HHIP: variants seen among roughly 807,000 people sequenced by gnomAD.
HHIP encodes hedgehog-interacting protein.
In HHIP, 12 loss-of-function variants were observed where a neutral mutation model predicts 74.0. That is an observed-to-expected ratio of 0.16 (90% CI 0.10 to 0.26). The LOEUF is 0.26. Ranked by LOEUF, HHIP falls within the 10% of genes least tolerant of loss-of-function variation. The pLI, the probability that HHIP is intolerant of heterozygous loss-of-function variation, is 1.00. For synonymous variants in HHIP, 309 were observed against 311.6 expected (o/e 0.99, Z 0.09); for missense variants, 788 against 845.0 (o/e 0.93, Z 0.84).
rs1420713168 is a variant in HHIP at position 144,737,759 on chromosome 4, C to T, written c.1910-5C>T. 1 of 1,592,916 alleles carries T rather than the reference C, an allele frequency of 6.3e-7. No homozygotes were observed. The highest frequency in any genetic ancestry group is 8.6e-7 in the Non-Finnish European group (1 of 1,167,744). On this transcript the variant is annotated splice_region_variant and splice_polypyrimidine_tract_variant and intron_variant, in intron 12 of 12. Coordinates refer to ENST00000296575, the MANE Select transcript of HHIP (RefSeq NM_022475.3). ...TGTGATGTTCTTGCTCTTTTTCTCTCCCAGCAAAATGTGAGCCAGCATGTC... is the reference window on the plus strand; with the variant it reads ...TGTGATGTTCTTGCTCTTTTTCTCTTCCAGCAAAATGTGAGCCAGCATGTC...
intron 4 of HHIP, among the ~76,000 whole-genome samples, chr4:144,681,417 A>G (rs556741758): frequency 1.3e-4 from 18 of 141,280 alleles, no homozygotes; most frequent in South Asian, 6.9e-4. Flanking sequence ...CGGATTGCAG[A>G]GTTCTTTTTT....
chr4:144,685,295 A>G (rs1025873965), intron 4 of HHIP, among the ~76,000 whole-genome samples: 2 of 152,248 alleles, frequency 1.3e-5, no homozygotes, highest in African/African-American at 2.4e-5. Flanking sequence ...AGAGTTAAAG[A>G]TGAGTCTCTG....
intron 11 of HHIP, among the ~76,000 whole-genome samples, chr4:144,729,048 A>C (rs1203779145): frequency 1.1e-4 from 17 of 152,176 alleles, no homozygotes; most frequent in Non-Finnish European, 2.9e-5. Context: ...ACAATTACGA[A>C]GAAGAAAAAT....
chr4:144,690,360 GT>G (rs1227729362), intron 4 of HHIP, among the ~76,000 whole-genome samples: 1 of 152,186 alleles, frequency 6.6e-6, no homozygotes, highest in Non-Finnish European at 1.5e-5. Flanking sequence ...TGATATGATG[GT>G]AGTATGGTGT....
At chr4:144,687,912 T>C (rs111378135) in intron 4 of HHIP, among the ~76,000 whole-genome samples, 4 of 152,062 alleles carry the variant, frequency 2.6e-5, no homozygotes, top group Non-Finnish European at 5.9e-5. Flanking sequence ...ACAGAGTCTT[T>C]ACAAGTTCCA....
intron 2 of HHIP, among the ~76,000 whole-genome samples, chr4:144,657,432 A>G (rs189926268): frequency 2.0e-5 from 3 of 152,282 alleles, no homozygotes; most frequent in African/African-American, 7.2e-5. Flanking sequence ...TTGTTATATA[A>G]AAATAAAAAC....
intron 12 of HHIP, among the ~76,000 whole-genome samples, chr4:144,736,888 CCA>C (rs1034665445): frequency 6.6e-6 from 1 of 152,086 alleles, no homozygotes; most frequent in African/African-American, 2.4e-5. Context: ...CATGTGTCAA[CCA>C]CAGACACCTG....
intron 4 of HHIP, among the ~76,000 whole-genome samples, chr4:144,667,681 T>C (rs1245696338): frequency 6.6e-6 from 1 of 152,180 alleles, no homozygotes; most frequent in Admixed American, 6.5e-5. Flanking sequence ...AGCTGACCCA[T>C]AAGAACTACA....
intron 1 of HHIP, chr4:144,648,662 A>G (rs1021403072): frequency 6.6e-6 from 1 of 152,188 alleles, no homozygotes; most frequent in African/African-American, 2.4e-5. Context: ...CCTTGGTGCA[A>G]TACGTACTAT....
chr4:144,692,098 C>T (rs552062422), intron 4 of HHIP, among the ~76,000 whole-genome samples: 2 of 152,052 alleles, frequency 1.3e-5, no homozygotes, highest in East Asian at 3.9e-4. Context: ...TAAATATGTG[C>T]CATCTGGGTA....
chr4:144,734,942 G>A, intron 12 of HHIP, 53 bp downstream of exon 12: 1 of 1,516,392 alleles, frequency 6.6e-7, no homozygotes, highest in Non-Finnish European at 9.0e-7. Context: ...CAATCCTTAG[G>A]TACTCAAGAA....
rs954685861 is a variant in HHIP at position 144,743,163 on chromosome 4, T to A, written c.*5206T>A. 4 of 150,374 alleles carry A rather than the reference T, an allele frequency of 2.7e-5. No individual in the cohort carries two copies. Among genetic ancestry groups the A allele is most frequent in the African/African-American group, 9.7e-5 (4 of 41,050 alleles). 9.3% of individuals were successfully genotyped at this position (150,374 alleles called of 1,614,324 possible). Reference sequence around the variant, plus strand: ...GTTCTGGACTTCACCTTAAAATAAGTTTTTAGGAGAGTAATATATATTCAT... The same window carrying A: ...GTTCTGGACTTCACCTTAAAATAAGATTTTAGGAGAGTAATATATATTCAT... On this transcript the variant is annotated 3_prime_UTR_variant, in exon 13 of 13. Transcript: ENST00000296575.
At chr4:144,712,097 T>C in intron 8 of HHIP, 26 bp downstream of exon 8, 1 of 1,598,196 alleles carries the variant, frequency 6.3e-7, no homozygotes, top group East Asian at 2.2e-5. Context: ...TTTGCTGATT[T>C]TGCTTTAGTT....
chr4:144,703,725 G>A (rs1560712552), intron 4 of HHIP, among the ~76,000 whole-genome samples: 1 of 152,174 alleles, frequency 6.6e-6, no homozygotes, highest in Non-Finnish European at 1.5e-5. Context: ...CTGCTGGCCA[G>A]TCCCGGCTCC....
At chr4:144,661,046 T>C (rs1728699415) in intron 4 of HHIP, among the ~76,000 whole-genome samples, 1 of 152,184 alleles carries the variant, frequency 6.6e-6, no homozygotes, top group East Asian at 1.9e-4. Flanking sequence ...ATGTATGATG[T>C]AATATAGATG....
chr4:144,698,718 G>A (rs770613097), intron 4 of HHIP, among the ~76,000 whole-genome samples: 5 of 152,130 alleles, frequency 3.3e-5, no homozygotes, highest in Non-Finnish European at 7.4e-5. Context: ...TACGTCCTTC[G>A]TTTATTGTGG....
At position 144,741,196 on chromosome 4, in the gene HHIP, G is replaced by A. The variant is rs1324061898; in HGVS notation, c.*3239G>A. On this transcript the variant is annotated 3_prime_UTR_variant, in exon 13 of 13. Coordinates refer to ENST00000296575, the MANE Select transcript of HHIP (RefSeq NM_022475.3). ...CTCGGAAGGTTTCTCAGATTAATGAGTATCTCATAAAGAGTAGAGAAACCA... is the reference window on the plus strand; with the variant it reads ...CTCGGAAGGTTTCTCAGATTAATGAATATCTCATAAAGAGTAGAGAAACCA... 1 of 151,528 alleles carries A rather than the reference G, an allele frequency of 6.6e-6. No homozygotes were observed. Among genetic ancestry groups the A allele is most frequent in the Non-Finnish European group, 1.5e-5 (1 of 67,958 alleles). The allele number at this position is 151,528 out of a possible 1,614,324, so 9.4% of individuals were successfully genotyped here.
Position 144,646,665 on chromosome 4 carries a change from C to T in HHIP, c.-11C>T. 4 of 1,612,538 alleles carry T rather than the reference C, an allele frequency of 2.5e-6. No homozygotes were observed. Among genetic ancestry groups the T allele is most frequent in the Non-Finnish European group, 3.4e-6 (4 of 1,179,038 alleles). The stretch of plus-strand genomic sequence containing the variant: ...CCTCCCGCGCCCAGCCCCTGCTGCT[C>T]TGGGCAGACGATGCTGAAGATGCTC... On this transcript the variant is annotated 5_prime_UTR_variant, in exon 1 of 13. Coordinates refer to ENST00000296575, the MANE Select transcript of HHIP (RefSeq NM_022475.3).
chr4:144,706,463 T>C, intron 4 of HHIP, 68 bp from the exon 5 acceptor site: 1 of 1,264,512 alleles, frequency 7.9e-7, no homozygotes, highest in Non-Finnish European at 1.1e-6. Context: ...TCTTTTGGGG[T>C]TCCAGTTGAA....
Sources: gnomAD v4.1 joint callset for allele counts (sites outside exome capture counted in the v4.1 genomes callset) on GRCh38, gnomAD v4.1.1 for gene constraint, MANE v1.5 for transcripts, NCBI Gene and HGNC (gene_info 2026-07-23, HGNC 2026-07-21) for gene names.